The following RABGAP1L variants were observed in gnomAD, a reference collection of about 807,000 sequenced individuals.
RABGAP1L encodes the protein rab GTPase-activating protein 1-like.
Under a neutral mutation model 137.7 loss-of-function variants are expected in RABGAP1L, and 63 were observed. That is an observed-to-expected ratio of 0.46 (90% confidence interval 0.37 to 0.56). The LOEUF (loss-of-function observed/expected upper bound fraction) is 0.56, where lower values mean the gene tolerates loss of function less well. RABGAP1L is among the 20% of genes least tolerant of loss of function. The pLI, the probability that RABGAP1L is intolerant of heterozygous loss-of-function variation, is 0.00. For missense variants in RABGAP1L, 1,095 were observed against 1,244.0 expected (o/e 0.88, Z 1.80); for synonymous variants, 431 against 433.7 (o/e 0.99, Z 0.08).
chr1:174,619,685 A>C (rs1672256506), intron 13 of RABGAP1L, among the ~76,000 whole-genome samples: 1 of 152,382 alleles, frequency 6.6e-6, no homozygotes, highest in South Asian at 2.1e-4. Context: ...CTGCAAAATC[A>C]TGCCAAATTG....
rs951097594 is a variant in RABGAP1L, at chr1:174,654,390, A to G, written c.1824+16902A>G. 7.9e-5 allele frequency among the ~76,000 whole-genome samples: 12 copies of G among 152,224 alleles called. No homozygotes were observed. In the East Asian group the frequency reaches 2.3e-3, roughly 29 times the overall value. Reference sequence around the variant, plus strand: ...TGAAAATTTAATGCATATAAACCCTAAAAGAGCATTCTATTTCTATCACTT... The same window carrying G: ...TGAAAATTTAATGCATATAAACCCTGAAAGAGCATTCTATTTCTATCACTT... On this transcript the variant is annotated intron_variant, in intron 14 of 25. Transcript: ENST00000681986.
intron 14 of RABGAP1L, among the ~76,000 whole-genome samples, chr1:174,659,316 C>A (rs1003759425): frequency 6.6e-6 from 1 of 151,602 alleles, no homozygotes. Flanking sequence ...TTTTATTAAA[C>A]CCTTTTCATT....
At chr1:174,981,624 G>A (rs1354564641) in intron 23 of RABGAP1L, among the ~76,000 whole-genome samples, 1 of 126,952 alleles carries the variant, frequency 7.9e-6, no homozygotes, top group African/African-American at 3.2e-5. Context: ...GGAATGCAGT[G>A]GTCTGAACAC....
intron 19 of RABGAP1L, among the ~76,000 whole-genome samples, chr1:174,841,950 T>C (rs1693459589): frequency 6.6e-6 from 1 of 152,076 alleles, no homozygotes; most frequent in African/African-American, 2.4e-5. Flanking sequence ...CAATAGGAGA[T>C]GGCTCAGAAA....
intron 13 of RABGAP1L, among the ~76,000 whole-genome samples, chr1:174,596,837 G>A (rs1170079794): frequency 6.6e-6 from 1 of 152,114 alleles, no homozygotes; most frequent in Non-Finnish European, 1.5e-5. Flanking sequence ...ATATGTAGAT[G>A]TGGTTCTTTT....
rs561755988 is a variant in RABGAP1L at position 174,613,843 on chromosome 1, G to T, written c.1711-23532G>T. ...TCTTTGTCTCTTTTGATCTTTGTTG[G>T]TGTAAAGTCTGTTTTATCAGAGACT... is the stretch of plus-strand genomic sequence containing the variant. On this transcript the variant is annotated intron_variant, in intron 13 of 25. Transcript: ENST00000681986. 2.0e-5 allele frequency among the ~76,000 whole-genome samples: 3 copies of T among 152,132 alleles called. No homozygotes were observed. In the East Asian group the frequency reaches 5.8e-4, roughly 29 times the overall value.
intron 1 of RABGAP1L, among the ~76,000 whole-genome samples, chr1:174,162,551 G>T (rs550084833): frequency 2.0e-5 from 3 of 152,204 alleles, no homozygotes; most frequent in East Asian, 3.9e-4. Context: ...TTCAAGTGGG[G>T]TATGGATCAT....
rs1019978176 is a variant in RABGAP1L, at chr1:174,604,048, C to G, written c.1711-33327C>G. On this transcript the variant is annotated intron_variant, in intron 13 of 25. Coordinates refer to ENST00000681986, the MANE Select transcript of RABGAP1L (RefSeq NM_001366446.1). ...CTGACACAAGTACTCCTGGGCTGGC[C>G]TAGCTGGTGTCTTATAGCTTGTGTG... 6.6e-5 allele frequency among the ~76,000 whole-genome samples: 10 copies of G among 152,044 alleles called. No individual in the cohort carries two copies. In the South Asian group the frequency reaches 2.1e-3, roughly 32 times the overall value.
intron 13 of RABGAP1L, among the ~76,000 whole-genome samples, chr1:174,531,753 G>GC (rs944456024): frequency 8.6e-5 from 11 of 127,592 alleles, no homozygotes; most frequent in African/African-American, 2.9e-4. Flanking sequence ...CGGGGGTGGG[G>GC]GGGGGGAAGA....
intron 14 of RABGAP1L, among the ~76,000 whole-genome samples, chr1:174,653,969 T>A (rs1336226274): frequency 1.3e-5 from 2 of 152,108 alleles, no homozygotes; most frequent in Non-Finnish European, 2.9e-5. Flanking sequence ...AGAAATGTAT[T>A]ATGGGAAATG....
intron 12 of RABGAP1L, among the ~76,000 whole-genome samples, chr1:174,389,895 A>G (rs1182407561): frequency 1.3e-5 from 2 of 152,152 alleles, no homozygotes; most frequent in Non-Finnish European, 2.9e-5. Flanking sequence ...TGTATTAGGT[A>G]TCCGTCTTGT....
At chr1:174,189,187 G>A (rs896453890) in intron 1 of RABGAP1L, among the ~76,000 whole-genome samples, 5 of 151,940 alleles carry the variant, frequency 3.3e-5, no homozygotes, top group African/African-American at 1.2e-4. Flanking sequence ...TTGTGTTTTT[G>A]GTAGAGACGG....
chr1:174,929,599 C>G (rs1663395380), intron 19 of RABGAP1L, among the ~76,000 whole-genome samples: 1 of 151,790 alleles, frequency 6.6e-6, no homozygotes, highest in Non-Finnish European at 1.5e-5. Context: ...TAAAAATCAG[C>G]CAGGTGTAGT....
chr1:174,218,988 T>C lies in RABGAP1L; in HGVS notation c.-33-137T>C. 4.5e-6 allele frequency: 3 copies of C among 660,924 alleles called. 1 individual carries two copies. The highest frequency in any genetic ancestry group is 7.5e-4 in the Middle Eastern group (2 of 2,674). 40.9% of individuals were successfully genotyped at this position (660,924 alleles called of 1,614,324 possible). ...GCTCAGTCCAAGAAGGTAGCCTCCC[T>C]AACTTTGAGATAATTATCTAGCCAG... is the stretch of plus-strand genomic sequence containing the variant. On this transcript the variant is annotated intron_variant, in intron 1 of 25. Transcript: ENST00000681986.
rs1672104098 is a variant in RABGAP1L at position 174,992,167 on chromosome 1, G to C, written c.*2166G>C. 6.6e-6 allele frequency: 1 copy of C among 152,234 alleles called. No homozygotes were observed. Among genetic ancestry groups the C allele is most frequent in the African/African-American group, 2.4e-5 (1 of 41,410 alleles). The allele number at this position is 152,234 out of a possible 1,614,324, so 9.4% of individuals were successfully genotyped here. A position where few individuals can be genotyped will look rare whatever the true frequency, so the allele number is the denominator to read the frequency against. On this transcript the variant is annotated 3_prime_UTR_variant, in exon 26 of 26. Transcript: ENST00000681986. ...AGAAAAATCCCCCCTGGCCAGGCAT[G>C]GTGGCTCACATCTGTAATCCCAGCA...
At chr1:174,196,550 A>C (rs969559296) in intron 1 of RABGAP1L, among the ~76,000 whole-genome samples, 1 of 148,952 alleles carries the variant, frequency 6.7e-6, no homozygotes, top group East Asian at 2.0e-4. Flanking sequence ...TTCTGGGAAA[A>C]TTTTTTGAGT....
Position 174,448,071 on chromosome 1 carries a change from T to C in RABGAP1L, c.1710+53926T>C, listed in dbSNP as rs775828797. 8 of 1,564,116 alleles carry C rather than the reference T, an allele frequency of 5.1e-6. No individual in the cohort carries two copies. The Admixed American group carries it at 1.4e-4, about 28-fold the overall frequency. On this transcript the variant is annotated intron_variant, in intron 13 of 25. Coordinates refer to ENST00000681986, the MANE Select transcript of RABGAP1L (RefSeq NM_001366446.1). This position sits in a 1 kb window ranked among gnomAD's most constrained non-coding sequence, Gnocchi z 4.2. ...ACAGATGCTGGGCAGGGCATCTGCT[T>C]GCTGTAGCCAAGTCTGCAGGTGTCT...
At chr1:174,951,961 G>A (rs1667769297) in intron 19 of RABGAP1L, among the ~76,000 whole-genome samples, 1 of 152,092 alleles carries the variant, frequency 6.6e-6, no homozygotes, top group Non-Finnish European at 1.5e-5. Context: ...CAAAGATCAT[G>A]CCATATATAT....
intron 18 of RABGAP1L, among the ~76,000 whole-genome samples, chr1:174,774,716 C>A (rs1168445279): frequency 6.6e-6 from 1 of 151,816 alleles, no homozygotes; most frequent in African/African-American, 2.4e-5. Context: ...CTCATCTCTC[C>A]AAAAAATACA....
Sources: gnomAD v4.1 joint callset for allele counts (sites outside exome capture counted in the v4.1 genomes callset) on GRCh38, gnomAD v4.1.1 for gene constraint, Gnocchi (gnomAD v3.1) non-coding constraint, MANE v1.5 for transcripts, NCBI Gene and HGNC (gene_info 2026-07-23, HGNC 2026-07-21) for gene names.